Variants in CPNE4 observed in about 807,000 individuals in gnomAD.
CPNE4 encodes the protein copine-4.
In CPNE4, 25 loss-of-function variants were observed where a neutral mutation model predicts 67.9. That is an observed-to-expected ratio of 0.37 (90% CI 0.27 to 0.51). The LOEUF (loss-of-function observed/expected upper bound fraction) is 0.51. Ranked by LOEUF, CPNE4 falls within the 20% of genes least tolerant of loss-of-function variation. The pLI, the probability that CPNE4 is intolerant of heterozygous loss-of-function variation, is 0.93. For missense variants in CPNE4, 464 were observed against 690.8 expected, an observed-to-expected ratio of 0.67 and a Z score of 3.68; for synonymous variants, 242 against 244.9, an observed-to-expected ratio of 0.99 and a Z score of 0.11.
At chr3:131,822,189 A>G (rs1444711679) in intron 2 of CPNE4, among the ~76,000 whole-genome samples, 5 of 152,244 alleles carry the variant, frequency 3.3e-5, no homozygotes, top group Non-Finnish European at 5.9e-5. Flanking sequence ...TTGAAACTAA[A>G]TTACATAGAG....
In CPNE4 at chr3:131,535,114, A is replaced by G. The variant is rs1935059659; in HGVS notation, c.*81T>C. 1 of 1,382,542 alleles carries G rather than the reference A, an allele frequency of 7.2e-7. No homozygotes were observed. The highest frequency in any genetic ancestry group is 2.5e-5 in the Admixed American group (1 of 39,238). 85.6% of individuals were successfully genotyped at this position (1,382,542 alleles called of 1,614,324 possible). ...TGTGTATATGTTGTTGGTTTTTTAA[A>G]GTACAGGAGTAGTAGAAGTATTAAA... On this transcript the variant is annotated 3_prime_UTR_variant, in exon 16 of 16. Coordinates refer to ENST00000429747, the MANE Select transcript of CPNE4 (RefSeq NM_130808.3).
intron 7 of CPNE4, among the ~76,000 whole-genome samples, chr3:131,642,255 G>A (rs1358260896): frequency 6.6e-6 from 1 of 152,174 alleles, no homozygotes; most frequent in African/African-American, 2.4e-5. Context: ...AAAACAGCAT[G>A]GTGTAAGACT....
chr3:131,841,422 A>G lies in CPNE4; in HGVS notation c.180+63842T>C, dbSNP rs187193448. ...ACCAGTCTGTGGCCTGTTAGGAACC[A>G]GGCTGCAGAGCAGGAGGTGAGCAGA... On this transcript the variant is annotated intron_variant, in intron 2 of 15. Coordinates refer to ENST00000429747, the MANE Select transcript of CPNE4 (RefSeq NM_130808.3). 2.4e-3 allele frequency among the ~76,000 whole-genome samples: 372 copies of G among 152,356 alleles called. 1 individual carries two copies. Among genetic ancestry groups the G allele is most frequent in the African/African-American group, 8.6e-3 (358 of 41,588 alleles).
At position 131,694,508 on chromosome 3, in the gene CPNE4, G is replaced by A. The variant is rs149524241; in HGVS notation, c.507+2034C>T. Among the ~76,000 whole-genome samples, 6 of 152,282 alleles carry A rather than the reference G, an allele frequency of 3.9e-5. No homozygotes were observed. The East Asian group carries it at 9.6e-4, about 24-fold the overall frequency. On this transcript the variant is annotated intron_variant, in intron 5 of 15. Coordinates refer to ENST00000429747, the MANE Select transcript of CPNE4 (RefSeq NM_130808.3). Reference sequence around the variant, plus strand: ...TGCCACTGCCCTAACACGATGTGGAGTCCTAGAATCTGGGCTGGCCTTATG... The same window carrying A: ...TGCCACTGCCCTAACACGATGTGGAATCCTAGAATCTGGGCTGGCCTTATG...
chr3:131,826,613 T>G (rs1467457209), intron 2 of CPNE4, among the ~76,000 whole-genome samples: 1 of 152,126 alleles, frequency 6.6e-6, no homozygotes, highest in African/African-American at 2.4e-5. Flanking sequence ...ATTCCCTATC[T>G]TCCCTATTCT....
chr3:131,842,759 A>G (rs1015122237), intron 2 of CPNE4, among the ~76,000 whole-genome samples: 10 of 151,624 alleles, frequency 6.6e-5, no homozygotes, highest in Admixed American at 3.9e-4. Context: ...AGAAAAAGCC[A>G]TATCTCTTCA....
At chr3:131,598,419 C>T (rs1216913994) in intron 7 of CPNE4, among the ~76,000 whole-genome samples, 1 of 152,100 alleles carries the variant, frequency 6.6e-6, no homozygotes, top group Non-Finnish European at 1.5e-5. Flanking sequence ...CTATCAATAC[C>T]TGATGAACAA....
At chr3:131,733,359 A>T (rs1294524346) in intron 2 of CPNE4, among the ~76,000 whole-genome samples, 1 of 152,174 alleles carries the variant, frequency 6.6e-6, no homozygotes, top group Non-Finnish European at 1.5e-5. Flanking sequence ...CCAATCTTCA[A>T]ACTTTCTCTT....
intron 1 of CPNE4, among the ~76,000 whole-genome samples, chr3:131,941,244 G>A (rs956392603): frequency 6.6e-6 from 1 of 151,764 alleles, no homozygotes; most frequent in Non-Finnish European, 1.5e-5. Context: ...AAGAACGAAG[G>A]TAATAAATAC....
intron 2 of CPNE4, among the ~76,000 whole-genome samples, chr3:131,846,250 A>G (rs1203747176): frequency 2.0e-5 from 3 of 152,204 alleles, no homozygotes; most frequent in Admixed American, 6.5e-5. Flanking sequence ...CATATTCATC[A>G]AGAACATCTA....
intron 1 of CPNE4, among the ~76,000 whole-genome samples, chr3:132,026,452 G>T (rs999342213): frequency 1.3e-5 from 2 of 152,194 alleles, no homozygotes; most frequent in Admixed American, 1.3e-4. Context: ...AAGAAGCAAA[G>T]ATCTTATGAA....
intron 1 of CPNE4, chr3:132,017,713 A>T (rs1378354667): frequency 6.7e-6 from 1 of 150,092 alleles, no homozygotes; most frequent in Non-Finnish European, 1.5e-5. Flanking sequence ...GTAGAACTCA[A>T]GGACATTTGG....
At chr3:131,742,393 T>G (rs2107781180) in intron 2 of CPNE4, among the ~76,000 whole-genome samples, 1 of 152,266 alleles carries the variant, frequency 6.6e-6, no homozygotes, top group South Asian at 2.1e-4. Flanking sequence ...AAGTATACCA[T>G]CAGCTGTCCT....
chr3:131,643,033 G>T (rs2079575924), intron 7 of CPNE4, among the ~76,000 whole-genome samples: 1 of 152,160 alleles, frequency 6.6e-6, no homozygotes, highest in Admixed American at 6.6e-5. Flanking sequence ...AAGACAGGAA[G>T]ATGTGAGAAA....
rs192056076 is a variant in CPNE4 at position 131,855,695 on chromosome 3, C to T, written c.180+49569G>A. ...TAGTTATTTGTTCTCCTAACCGTGC[C>T]TTGTGAGGGTGTGTGTGTATGTGTG... is the stretch of plus-strand genomic sequence containing the variant. On this transcript the variant is annotated intron_variant, in intron 2 of 15. Transcript: ENST00000429747. Among the ~76,000 whole-genome samples the T allele has an allele frequency of 3.7e-3, 563 of 151,594 alleles. 2 individuals are homozygous for T. The highest frequency in any genetic ancestry group is 0.013 in the African/African-American group (530 of 41,376).
At chr3:131,894,512 A>G (rs535654884) in intron 2 of CPNE4, among the ~76,000 whole-genome samples, 1 of 152,086 alleles carries the variant, frequency 6.6e-6, no homozygotes, top group East Asian at 1.9e-4. Context: ...TATATAAGGA[A>G]CTTAACATTA....
At chr3:131,923,704 C>CAAAAAAAAAAAAAAAAAAAAAAAA (rs3041574) in intron 1 of CPNE4, among the ~76,000 whole-genome samples, 1 of 39,288 alleles carries the variant, frequency 2.5e-5, no homozygotes, top group Non-Finnish European at 4.1e-5. Context: ...GACTCCGTCT[C>CAAAAAAAAAAAAAAAAAAAAAAAA]AAAAAAAAAA....
chr3:131,942,463 T>TGAGAGAGAGAGA (rs59277847), intron 1 of CPNE4, among the ~76,000 whole-genome samples: 9 of 70,770 alleles, frequency 1.3e-4, no homozygotes, highest in East Asian at 9.1e-4. Context: ...TGTGTGTGTG[T>TGAGAGAGAGAGA]GAGAGAGAGA....
chr3:131,899,064 T>A (rs369282974), intron 2 of CPNE4, among the ~76,000 whole-genome samples: 19 of 152,280 alleles, frequency 1.2e-4, no homozygotes, highest in South Asian at 8.3e-4. Context: ...AAGAAGCTTG[T>A]CTGTGATATC....
Sources: allele counts gnomAD v4.1 joint callset (sites outside exome capture counted in the v4.1 genomes callset), GRCh38; gene constraint gnomAD v4.1.1; transcripts MANE v1.5; gene names NCBI Gene and HGNC (gene_info 2026-07-23, HGNC 2026-07-21).